ACADM: variants seen among roughly 807,000 people sequenced by gnomAD.
ACADM encodes medium-chain specific acyl-CoA dehydrogenase, mitochondrial.
In ACADM, 49 loss-of-function variants were observed where a neutral mutation model predicts 58.9. The observed-to-expected ratio is 0.83, with a 90% confidence interval of 0.66 to 1.06. The LOEUF (loss-of-function observed/expected upper bound fraction) is 1.06, where lower values mean the gene tolerates loss of function less well. ACADM is among the 50% of genes least tolerant of loss of function. ACADM has a pLI of 0.00. For missense variants in ACADM, 496 were observed against 507.0 expected, an observed-to-expected ratio of 0.98 and a Z score of 0.21; for synonymous variants, 160 against 157.7, an observed-to-expected ratio of 1.01 and a Z score of -0.11.
chr1:75,746,775 T>C (rs1647928635), intron 8 of ACADM, among the ~76,000 whole-genome samples: 1 of 151,954 alleles, frequency 6.6e-6, no homozygotes, highest in Non-Finnish European at 1.5e-5. Flanking sequence ...ATTTTTGTAT[T>C]TTTTGTAGAG....
At chr1:75,725,630 T>G (rs1647040905) in intron 1 of ACADM, among the ~76,000 whole-genome samples, 1 of 152,224 alleles carries the variant, frequency 6.6e-6, no homozygotes, top group African/African-American at 2.4e-5. Flanking sequence ...CCTTTTTCTC[T>G]TCTTTAACCC....
chr1:75,743,691 T>G (rs1176472554), intron 7 of ACADM: 6 of 1,486,812 alleles, frequency 4.0e-6, no homozygotes, highest in African/African-American at 1.4e-5. Context: ...CATCCATATC[T>G]TCAATGGCAA....
intron 1 of ACADM, among the ~76,000 whole-genome samples, chr1:75,726,392 G>C (rs915290687): frequency 1.0e-4 from 15 of 149,786 alleles, no homozygotes; most frequent in African/African-American, 3.7e-4. Flanking sequence ...TCCCTCAGTA[G>C]ACCATTTAAC....
At chr1:75,753,638 A>G (rs1428537572) in intron 10 of ACADM, among the ~76,000 whole-genome samples, 1 of 151,592 alleles carries the variant, frequency 6.6e-6, no homozygotes, top group African/African-American at 2.4e-5. Context: ...TTCTCCTTTT[A>G]TGTTCTCTTT....
At chr1:75,737,288 A>ATATATATATATG (rs1557448378) in intron 6 of ACADM, among the ~76,000 whole-genome samples, 9 of 73,178 alleles carry the variant, frequency 1.2e-4, no homozygotes, top group African/African-American at 5.1e-4. Flanking sequence ...AAATATATAT[A>ATATATATATATG]TATATATATA....
intron 8 of ACADM, among the ~76,000 whole-genome samples, chr1:75,746,215 T>G (rs1647891637): frequency 6.6e-6 from 1 of 152,198 alleles, no homozygotes. Context: ...GAATTCTGGA[T>G]ATTTCAAGGG....
intron 6 of ACADM, 92 bp downstream of exon 6, chr1:75,734,963 AT>A: frequency 3.1e-6 from 3 of 970,472 alleles, no homozygotes; most frequent in Non-Finnish European, 4.8e-6. Context: ...ATATTGGGAT[AT>A]TTAGCATTGA....
chr1:75,760,026 T>A (rs889345217), intron 10 of ACADM, among the ~76,000 whole-genome samples: 10 of 151,652 alleles, frequency 6.6e-5, no homozygotes, highest in African/African-American at 2.4e-4. Flanking sequence ...AATCCTAGCA[T>A]TTTGGGAGGC....
chr1:75,754,214 T>TG (rs1557461338), intron 10 of ACADM, among the ~76,000 whole-genome samples: 1 of 149,792 alleles, frequency 6.7e-6, no homozygotes, highest in Non-Finnish European at 1.5e-5. Context: ...TTTTTGTTTT[T>TG]TTTTTTTTTT....
chr1:75,745,593 G>A (rs192185708), intron 7 of ACADM: 105 of 569,786 alleles, frequency 1.8e-4, no homozygotes, highest in Non-Finnish European at 1.6e-4. Flanking sequence ...ATGGGGGAGG[G>A]CCTACTGTGT....
At chr1:75,758,225 G>C (rs995355481) in intron 10 of ACADM, among the ~76,000 whole-genome samples, 1 of 151,906 alleles carries the variant, frequency 6.6e-6, no homozygotes, top group Non-Finnish European at 1.5e-5. Context: ...ACCATGCCTG[G>C]CCTTTTTTTG....
rs1212928652 is a variant in ACADM, at chr1:75,762,810, T to C, written c.*47T>C. On this transcript the variant is annotated 3_prime_UTR_variant, in exon 12 of 12. Coordinates refer to ENST00000370841, the MANE Select transcript of ACADM (RefSeq NM_000016.6). ...GAATAACTAGAACACAAGCCACTGT[T>C]TCAGCTCCAGAAAAAAGAAAGGGCT... 1 of 1,204,050 alleles carries C rather than the reference T, an allele frequency of 8.3e-7. No homozygotes were observed. The highest frequency in any genetic ancestry group is 1.5e-5 in the African/African-American group (1 of 65,386). 74.6% of individuals were successfully genotyped at this position (1,204,050 alleles called of 1,614,324 possible). A position where few individuals can be genotyped will look rare whatever the true frequency, so the allele number is the denominator to read the frequency against.
chr1:75,744,645 G>T, intron 7 of ACADM: 1 of 955,906 alleles, frequency 1.0e-6, no homozygotes, highest in Non-Finnish European at 1.7e-6. Flanking sequence ...CCTTCCTGCT[G>T]TTAGGGTAAC....
chr1:75,749,214 T>C (rs566198100), intron 8 of ACADM, among the ~76,000 whole-genome samples: 1 of 152,328 alleles, frequency 6.6e-6, no homozygotes, highest in East Asian at 1.9e-4. Flanking sequence ...TCTGCCATTG[T>C]AGCAAGAAAG....
rs557583979 is a variant in ACADM at position 75,753,274 on chromosome 1, CT to C, written c.945+2730del. On this transcript the variant is annotated intron_variant, in intron 10 of 11. Coordinates refer to ENST00000370841, the MANE Select transcript of ACADM (RefSeq NM_000016.6). ...CATGCTCACATCGAAATCTCCTGTT[CT>C]TATGTGTTTCTTAAAACTCTGGTTC... 4.8e-3 allele frequency among the ~76,000 whole-genome samples: 732 copies of C among 152,194 alleles called. 4 individuals are homozygous for C. Among genetic ancestry groups the C allele is most frequent in the African/African-American group, 0.017 (700 of 41,522 alleles).
In ACADM at chr1:75,740,034, A is replaced by T; in HGVS notation, c.523A>T (p.Lys175Ter). 6.2e-7 allele frequency: 1 copy of T among 1,613,088 alleles called. No homozygotes were observed. The highest frequency in any genetic ancestry group is 8.5e-7 in the Non-Finnish European group (1 of 1,179,214). ...AGSDVAGIKTKAEKKGDEYII... is the reference protein window; with the variant it reads ...AGSDVAGIKT ...CTCTGATGTAGCTGGTATAAAGACC[A>T]AAGCAGAAAAGAAAGGAGATGAGTA... The change falls in exon 7 of 12, where the codon AAA becomes TAA. Residue 175 changes from lysine to a stop codon, truncating the protein, a stop_gained. Coordinates refer to ENST00000370841, the MANE Select transcript of ACADM (RefSeq NM_000016.6). LOFTEE classifies it high-confidence loss of function.
chr1:75,738,736 A>G (rs1647406942), intron 6 of ACADM, among the ~76,000 whole-genome samples: 1 of 151,948 alleles, frequency 6.6e-6, no homozygotes, highest in African/African-American at 2.4e-5. Context: ...GGGGGCCACC[A>G]TGCTCGGCCC....
At chr1:75,756,501 C>A (rs183310098) in intron 10 of ACADM, among the ~76,000 whole-genome samples, 27 of 152,246 alleles carry the variant, frequency 1.8e-4, no homozygotes, top group Admixed American at 4.6e-4. Context: ...ATACAACTTA[C>A]AAGGGATGTG....
At chr1:75,729,662 T>G (rs1303659090) in intron 2 of ACADM, among the ~76,000 whole-genome samples, 2 of 151,230 alleles carry the variant, frequency 1.3e-5, no homozygotes, top group Non-Finnish European at 2.9e-5. Flanking sequence ...CCTGGCTAAT[T>G]TCTATATTTT....
Sources: gnomAD v4.1 joint callset for allele counts (sites outside exome capture counted in the v4.1 genomes callset) on GRCh38, gnomAD v4.1.1 for gene constraint, MANE v1.5 for transcripts, NCBI Gene and HGNC (gene_info 2026-07-23, HGNC 2026-07-21) for gene names.